DPP10: variants seen among roughly 807,000 people sequenced by gnomAD.
DPP10 encodes inactive dipeptidyl peptidase 10.
DPP10 carries 33 observed loss-of-function variants against 120.9 expected under a neutral mutation model. The ratio of observed to expected loss-of-function variants is 0.27; its 90% CI spans 0.21 to 0.37. The LOEUF (loss-of-function observed/expected upper bound fraction) is 0.37. Ranked by LOEUF, DPP10 falls within the 10% of genes least tolerant of loss-of-function variation. The pLI is 1.00. For missense variants in DPP10, 816 were observed against 942.8 expected (o/e 0.87, Z 1.76); for synonymous variants, 337 against 326.1 (o/e 1.03, Z -0.36).
At chr2:114,643,961 G>A (rs865945396) in intron 1 of DPP10, among the ~76,000 whole-genome samples, 2 of 140,088 alleles carry the variant, frequency 1.4e-5, no homozygotes, top group Non-Finnish European at 3.0e-5. Context: ...TTGAGACAGA[G>A]TCTTGCGTTG....
At chr2:114,871,805 G>A (rs1356038285) in intron 1 of DPP10, among the ~76,000 whole-genome samples, 4 of 152,220 alleles carry the variant, frequency 2.6e-5, no homozygotes. Flanking sequence ...GTGAACAAGC[G>A]AGCAAACTTT....
chr2:115,162,943 G>T (rs528722770), intron 1 of DPP10, among the ~76,000 whole-genome samples: 76 of 152,194 alleles, frequency 5.0e-4, no homozygotes, highest in Non-Finnish European at 9.7e-4. Flanking sequence ...GAGGGAGGCT[G>T]CGCTGAGCCG....
chr2:115,833,790 A>T (rs1250942813), intron 21 of DPP10, among the ~76,000 whole-genome samples: 1 of 152,222 alleles, frequency 6.6e-6, no homozygotes, highest in Non-Finnish European at 1.5e-5. Context: ...CTGAGATAAC[A>T]CATTATGTGT....
intron 2 of DPP10, among the ~76,000 whole-genome samples, chr2:115,322,182 T>C (rs189325378): frequency 4.2e-4 from 64 of 152,306 alleles, no homozygotes; most frequent in African/African-American, 1.5e-3. Context: ...CTTCCTTTTC[T>C]GGGTGGGCTT....
At chr2:114,735,952 G>A (rs1410586147) in intron 1 of DPP10, among the ~76,000 whole-genome samples, 1 of 151,834 alleles carries the variant, frequency 6.6e-6, no homozygotes, top group Non-Finnish European at 1.5e-5. Flanking sequence ...TACCATCTAA[G>A]TATAGTAGAA....
At chr2:114,766,823 A>G (rs143265740) in intron 1 of DPP10, among the ~76,000 whole-genome samples, 1 of 152,122 alleles carries the variant, frequency 6.6e-6, no homozygotes, top group Non-Finnish European at 1.5e-5. Flanking sequence ...GTTCTTTCCT[A>G]TGATGACACT....
chr2:115,031,579 T>G (rs1703844272), intron 1 of DPP10, among the ~76,000 whole-genome samples: 1 of 152,172 alleles, frequency 6.6e-6, no homozygotes, highest in Admixed American at 6.5e-5. Flanking sequence ...GCTTCACAGG[T>G]GTTTATTTAG....
intron 2 of DPP10, among the ~76,000 whole-genome samples, chr2:115,321,763 T>C (rs1212809146): frequency 6.6e-6 from 1 of 152,116 alleles, no homozygotes. Flanking sequence ...TTAATTGATC[T>C]ATTATTATTT....
intron 1 of DPP10, among the ~76,000 whole-genome samples, chr2:114,647,854 T>C (rs760001615): frequency 8.6e-5 from 13 of 151,870 alleles, no homozygotes; most frequent in Admixed American, 3.9e-4. Flanking sequence ...ATTTAATCTT[T>C]TGTGTTCTGG....
At chr2:115,655,946 A>G (rs1333412785) in intron 5 of DPP10, among the ~76,000 whole-genome samples, 2 of 151,606 alleles carry the variant, frequency 1.3e-5, no homozygotes, top group South Asian at 2.1e-4. Flanking sequence ...AATAGAATGA[A>G]TGATGGTTGC....
chr2:115,265,504 C>A (rs2059421534), intron 1 of DPP10, among the ~76,000 whole-genome samples: 1 of 152,014 alleles, frequency 6.6e-6, no homozygotes, highest in Admixed American at 6.6e-5. Flanking sequence ...CCACTAAATA[C>A]ATACATATAC....
intron 1 of DPP10, among the ~76,000 whole-genome samples, chr2:114,814,896 G>A (rs1174218689): frequency 6.6e-6 from 1 of 152,222 alleles, no homozygotes; most frequent in African/African-American, 2.4e-5. Flanking sequence ...ACCAACCGTG[G>A]AGGAGCTGCC....
intron 7 of DPP10, among the ~76,000 whole-genome samples, chr2:115,722,924 T>C (rs932749560): frequency 3.9e-5 from 6 of 152,178 alleles, no homozygotes. Context: ...ATGCAGAACC[T>C]GTAAACACAT....
intron 5 of DPP10, among the ~76,000 whole-genome samples, chr2:115,625,068 G>C (rs1276853736): frequency 1.3e-5 from 2 of 148,678 alleles, no homozygotes; most frequent in African/African-American, 5.1e-5. Context: ...TTACCTCTTT[G>C]GATAAATATA....
chr2:115,388,439 T>C (rs968683583), intron 3 of DPP10, among the ~76,000 whole-genome samples: 5 of 152,158 alleles, frequency 3.3e-5, no homozygotes, highest in Non-Finnish European at 7.4e-5. Context: ...CTTGGGCTGG[T>C]TAGCAGGGCA....
intron 19 of DPP10, among the ~76,000 whole-genome samples, chr2:115,807,474 C>T (rs1259948847): frequency 6.6e-6 from 1 of 152,126 alleles, no homozygotes; most frequent in African/African-American, 2.4e-5. Context: ...ATTTGTACTA[C>T]AGTACGCGTA....
intron 3 of DPP10, among the ~76,000 whole-genome samples, chr2:115,419,436 G>T (rs1194084803): frequency 6.6e-6 from 1 of 152,108 alleles, no homozygotes. Context: ...AGAGAGAGGG[G>T]AGGGAGGTCC....
chr2:115,240,811 T>G (rs184307122), intron 1 of DPP10, among the ~76,000 whole-genome samples: 2 of 152,204 alleles, frequency 1.3e-5, no homozygotes, highest in African/African-American at 4.8e-5. Context: ...ATAATTTTAT[T>G]CTTTATAAGT....
chr2:114,526,173 A>C (rs1685482377), intron 1 of DPP10, among the ~76,000 whole-genome samples: 1 of 152,226 alleles, frequency 6.6e-6, no homozygotes, highest in Non-Finnish European at 1.5e-5. Context: ...CTGCTGTGCC[A>C]GCCAAGGGGA....
Sources: allele counts gnomAD v4.1 joint callset (sites outside exome capture counted in the v4.1 genomes callset), GRCh38; gene constraint gnomAD v4.1.1; transcripts MANE v1.5; gene names NCBI Gene and HGNC (gene_info 2026-07-23, HGNC 2026-07-21).